SEM1: variants seen among roughly 807,000 people sequenced by gnomAD.
SEM1 encodes 26S proteasome complex subunit SEM1.
SEM1 carries 3 observed loss-of-function variants against 12.7 expected under a neutral mutation model. The observed-to-expected ratio is 0.24, with a 90% CI of 0.11 to 0.61. The LOEUF is 0.61. Among genes scored for constraint, SEM1 ranks in the 20% least tolerant of loss-of-function variants. The pLI, the probability that SEM1 is intolerant of heterozygous loss-of-function variation, is 0.88. For synonymous variants in SEM1, 30 were observed against 27.8 expected (o/e 1.08, Z -0.25); for missense variants, 59 against 81.3 (o/e 0.73, Z 1.06).
intron 1 of SEM1, chr7:96,696,403 AT>A (rs1226998498): frequency 2.0e-5 from 3 of 151,958 alleles, no homozygotes; most frequent in African/African-American, 7.2e-5. Flanking sequence ...AGCTGGCCAA[AT>A]TCTTCGTTAA....
chr7:96,616,459 A>C (rs1807725411), intron 2 of SEM1, among the ~76,000 whole-genome samples: 1 of 151,968 alleles, frequency 6.6e-6, no homozygotes, highest in South Asian at 2.1e-4. Flanking sequence ...CCTTTGTTAG[A>C]TTCATAGTTT....
At chr7:96,554,813 A>C (rs1266028758) in intron 2 of SEM1, among the ~76,000 whole-genome samples, 2 of 151,630 alleles carry the variant, frequency 1.3e-5, no homozygotes, top group African/African-American at 4.8e-5. Flanking sequence ...TCGGCTGTGA[A>C]TCTATCTGGT....
chr7:96,587,575 G>C (rs1286336031), intron 2 of SEM1, among the ~76,000 whole-genome samples: 1 of 151,998 alleles, frequency 6.6e-6, no homozygotes, highest in Admixed American at 6.5e-5. Context: ...GCACAGCCAG[G>C]TGACAGATCT....
intron 1 of SEM1, among the ~76,000 whole-genome samples, chr7:96,488,156 G>A (rs1255829617): frequency 1.3e-5 from 2 of 152,070 alleles, no homozygotes; most frequent in African/African-American, 2.4e-5. Context: ...CAAGACCAAT[G>A]TACTATGACG....
intron 2 of SEM1, among the ~76,000 whole-genome samples, chr7:96,604,717 G>C (rs938916640): frequency 6.6e-6 from 1 of 151,946 alleles, no homozygotes; most frequent in Non-Finnish European, 1.5e-5. Flanking sequence ...TCCAGAGTTC[G>C]AGACCAGCCT....
chr7:96,490,896 G>T (rs1802980698), intron 1 of SEM1, among the ~76,000 whole-genome samples: 1 of 152,148 alleles, frequency 6.6e-6, no homozygotes. Context: ...ACCACTCTGT[G>T]ACCCCCTGCA....
At chr7:96,553,312 GT>G (rs1322167990) in intron 2 of SEM1, among the ~76,000 whole-genome samples, 1 of 151,608 alleles carries the variant, frequency 6.6e-6, no homozygotes, top group Non-Finnish European at 1.5e-5. Context: ...TTCTTCTAGG[GT>G]TTTTATGGTT....
At chr7:96,562,399 T>A (rs186135071) in intron 2 of SEM1, among the ~76,000 whole-genome samples, 1 of 152,308 alleles carries the variant, frequency 6.6e-6, no homozygotes, top group East Asian at 1.9e-4. Flanking sequence ...GTGCTATGGA[T>A]ATATAGCAGG....
At chr7:96,648,246 G>T (rs1434235039) in intron 2 of SEM1, among the ~76,000 whole-genome samples, 1 of 152,160 alleles carries the variant, frequency 6.6e-6, no homozygotes, top group Non-Finnish European at 1.5e-5. Context: ...AGAAGGAGTA[G>T]CAGGATATAG....
intron 2 of SEM1, among the ~76,000 whole-genome samples, chr7:96,538,322 T>G (rs13239179): frequency 0.57 from 86,290 of 151,576 alleles, 26,597 homozygotes; most frequent in Non-Finnish European, 0.69. Context: ...TTCAGATAGT[T>G]GTTTTGTCTC....
At chr7:96,537,493 C>T (rs890941023) in intron 2 of SEM1, among the ~76,000 whole-genome samples, 9 of 151,528 alleles carry the variant, frequency 5.9e-5, no homozygotes, top group African/African-American at 1.9e-4. Context: ...GTATTTCTCC[C>T]TCACTTTTAA....
chr7:96,522,568 G>GAA (rs765064779), intron 2 of SEM1, among the ~76,000 whole-genome samples: 18 of 127,332 alleles, frequency 1.4e-4, no homozygotes, highest in African/African-American at 2.8e-4. Context: ...TGCTTTGTGA[G>GAA]AAAAAAAAAA....
downstream of SEM1, among the ~76,000 whole-genome samples, chr7:96,670,188 T>C (rs941517807): frequency 1.3e-5 from 2 of 152,204 alleles, no homozygotes; most frequent in African/African-American, 4.8e-5. Flanking sequence ...TAACAAAATC[T>C]ATAATTCATA....
intron 1 of SEM1, 75 bp from the exon 2 acceptor site, chr7:96,694,966 T>A (rs1790043282): frequency 9.3e-7 from 1 of 1,071,736 alleles, no homozygotes; most frequent in African/African-American, 1.6e-5. Context: ...TTGAAAAGCT[T>A]GCTACTGAAC....
At chr7:96,547,540 A>C (rs1054494626) in intron 2 of SEM1, among the ~76,000 whole-genome samples, 1 of 152,200 alleles carries the variant, frequency 6.6e-6, no homozygotes, top group African/African-American at 2.4e-5. Context: ...ACAGTGTCCA[A>C]TGACAATGTG....
At chr7:96,492,758 C>CGTGT (rs1563027134) in intron 1 of SEM1, among the ~76,000 whole-genome samples, 4 of 94,724 alleles carry the variant, frequency 4.2e-5, no homozygotes, top group African/African-American at 1.2e-4. Context: ...GAATAATATT[C>CGTGT]ATGTGTGTGT....
At chr7:96,644,030 C>T (rs1336863226) in intron 2 of SEM1, among the ~76,000 whole-genome samples, 3 of 152,044 alleles carry the variant, frequency 2.0e-5, no homozygotes, top group African/African-American at 7.2e-5. Context: ...TTTGTAACAA[C>T]TTTACCTCCA....
intron 2 of SEM1, among the ~76,000 whole-genome samples, chr7:96,599,951 A>G (rs1807147301): frequency 6.6e-6 from 1 of 152,248 alleles, no homozygotes; most frequent in South Asian, 2.1e-4. Context: ...GCTACTCAAA[A>G]GTGATTACTT....
At chr7:96,484,924 A>C in intron 2 of SEM1, 1 of 926,888 alleles carries the variant, frequency 1.1e-6, no homozygotes, top group Non-Finnish European at 1.5e-6. Context: ...CCCTGGTGGA[A>C]ATGGGAACAC....
Sources: gnomAD v4.1 joint callset for allele counts (sites outside exome capture counted in the v4.1 genomes callset) on GRCh38, gnomAD v4.1.1 for gene constraint, MANE v1.5 for transcripts, NCBI Gene and HGNC (gene_info 2026-07-23, HGNC 2026-07-21) for gene names.